The following RNGTT variants were observed in gnomAD, a reference collection of about 807,000 sequenced individuals.
RNGTT encodes the protein RNA guanylyltransferase and 5'-phosphatase.
A neutral mutation model predicts 79.3 loss-of-function variants in RNGTT; 33 were observed. The observed-to-expected ratio is 0.42, with a 90% CI of 0.32 to 0.56. The LOEUF (loss-of-function observed/expected upper bound fraction) is 0.56, where lower values mean the gene tolerates loss of function less well. Among genes scored for constraint, RNGTT ranks in the 20% least tolerant of loss-of-function variants. The probability of loss-of-function intolerance (pLI) is 0.17; values close to 1 mark genes in which losing one functional copy is unlikely to be tolerated. For synonymous variants in RNGTT, 222 were observed against 235.9 expected (o/e 0.94, Z 0.54); for missense variants, 497 against 739.1 (o/e 0.67, Z 3.80).
At chr6:88,757,290 T>C (rs796479171) in intron 13 of RNGTT, among the ~76,000 whole-genome samples, 5 of 152,270 alleles carry the variant, frequency 3.3e-5, no homozygotes, top group African/African-American at 9.6e-5. Context: ...GGACAGGTAG[T>C]ATTAGTATCA....
chr6:88,694,954 G>C (rs1562199452), intron 13 of RNGTT, among the ~76,000 whole-genome samples: 1 of 152,156 alleles, frequency 6.6e-6, no homozygotes, highest in East Asian at 1.9e-4. Context: ...CTGGAACTCT[G>C]AGAAATACAT....
At chr6:88,762,443 AC>A (rs972379450) in intron 13 of RNGTT, among the ~76,000 whole-genome samples, 3 of 152,328 alleles carry the variant, frequency 2.0e-5, no homozygotes, top group Admixed American at 6.5e-5. Context: ...ATCATGTTAA[AC>A]CAAGTGCAGC....
At chr6:88,842,774 T>TA (rs1781337704) in intron 11 of RNGTT, among the ~76,000 whole-genome samples, 1 of 152,000 alleles carries the variant, frequency 6.6e-6, no homozygotes, top group Admixed American at 6.6e-5. Context: ...TTTAACTACA[T>TA]AAAAATGAAC....
chr6:88,791,686 C>T (rs1317883299), intron 12 of RNGTT, among the ~76,000 whole-genome samples: 1 of 151,958 alleles, frequency 6.6e-6, no homozygotes, highest in African/African-American at 2.4e-5. Flanking sequence ...ACCACAGGCG[C>T]CCACCACCAC....
At chr6:88,703,987 C>T (rs568639062) in intron 13 of RNGTT, among the ~76,000 whole-genome samples, 1 of 152,142 alleles carries the variant, frequency 6.6e-6, no homozygotes, top group East Asian at 1.9e-4. Context: ...AGGCCGGGTG[C>T]GGTGGCTCAC....
intron 11 of RNGTT, among the ~76,000 whole-genome samples, chr6:88,839,760 T>C (rs553846701): frequency 4.6e-5 from 7 of 152,306 alleles, no homozygotes; most frequent in African/African-American, 1.7e-4. Flanking sequence ...TTGTTAGTCA[T>C]ATATAGTCTG....
At chr6:88,708,165 G>C (rs1776202576) in intron 13 of RNGTT, among the ~76,000 whole-genome samples, 1 of 152,076 alleles carries the variant, frequency 6.6e-6, no homozygotes, top group South Asian at 2.1e-4. Context: ...GGACCAGGTA[G>C]GAGGTTCCAG....
intron 13 of RNGTT, among the ~76,000 whole-genome samples, chr6:88,689,797 T>C (rs539662550): frequency 6.6e-6 from 1 of 151,550 alleles, no homozygotes; most frequent in South Asian, 2.1e-4. Flanking sequence ...GGTATTAAAA[T>C]TAGAAAATGA....
intron 8 of RNGTT, among the ~76,000 whole-genome samples, chr6:88,860,565 C>T (rs1487233583): frequency 4.6e-5 from 7 of 152,158 alleles, no homozygotes; most frequent in Admixed American, 1.3e-4. Flanking sequence ...GTTCCTGTGC[C>T]CTGACCTTGG....
At chr6:88,919,905 G>T (rs1784114852) in intron 4 of RNGTT, among the ~76,000 whole-genome samples, 1 of 151,876 alleles carries the variant, frequency 6.6e-6, no homozygotes, top group Admixed American at 6.6e-5. Context: ...GGTCAGGCTG[G>T]TCTCAAACTC....
intron 14 of RNGTT, among the ~76,000 whole-genome samples, chr6:88,666,367 G>A (rs939887359): frequency 7.9e-5 from 12 of 152,306 alleles, no homozygotes; most frequent in African/African-American, 2.4e-4. Flanking sequence ...GTTGGCCCCC[G>A]TGTTTGAGGG....
intron 11 of RNGTT, among the ~76,000 whole-genome samples, chr6:88,806,402 C>T (rs1245938600): frequency 6.6e-6 from 1 of 151,150 alleles, no homozygotes; most frequent in African/African-American, 2.4e-5. Flanking sequence ...ACTGCAACCT[C>T]TGCTTCCCGG....
chr6:88,823,723 C>T (rs751221883), intron 11 of RNGTT, among the ~76,000 whole-genome samples: 3 of 152,014 alleles, frequency 2.0e-5, no homozygotes, highest in Non-Finnish European at 2.9e-5. Flanking sequence ...AGACTCTAGG[C>T]CTTCATGGGT....
intron 8 of RNGTT, among the ~76,000 whole-genome samples, chr6:88,875,223 A>G (rs1160800656): frequency 2.0e-5 from 3 of 152,078 alleles, no homozygotes; most frequent in Admixed American, 6.6e-5. Context: ...TTATTTATTT[A>G]TAAGAGAACA....
chr6:88,902,275 A>G (rs1178899217), intron 6 of RNGTT, among the ~76,000 whole-genome samples: 1 of 152,182 alleles, frequency 6.6e-6, no homozygotes. Flanking sequence ...CAAAAAAGAT[A>G]GGAATAAGTA....
chr6:88,896,521 A>G (rs1176395193), intron 6 of RNGTT, among the ~76,000 whole-genome samples: 2 of 152,220 alleles, frequency 1.3e-5, no homozygotes, highest in Non-Finnish European at 2.9e-5. Context: ...GACAGAGACA[A>G]TGAGAAGACT....
intron 13 of RNGTT, among the ~76,000 whole-genome samples, chr6:88,751,036 A>G (rs1777822631): frequency 6.6e-6 from 1 of 152,194 alleles, no homozygotes. Flanking sequence ...TGGTTTGCAC[A>G]TAGATGGTTT....
chr6:88,661,213 G>C (rs2127781870), intron 14 of RNGTT, among the ~76,000 whole-genome samples: 1 of 152,226 alleles, frequency 6.6e-6, no homozygotes, highest in East Asian at 1.9e-4. Context: ...ACATCAAAAA[G>C]TCTGAAAGAG....
intron 4 of RNGTT, among the ~76,000 whole-genome samples, chr6:88,928,336 T>G (rs1163131926): frequency 6.6e-6 from 1 of 152,136 alleles, no homozygotes; most frequent in African/African-American, 2.4e-5. Context: ...TGAAAATAAC[T>G]CAAAAGTCAT....
Sources: gnomAD v4.1 joint callset for allele counts (sites outside exome capture counted in the v4.1 genomes callset) on GRCh38, gnomAD v4.1.1 for gene constraint, MANE v1.5 for transcripts, NCBI Gene and HGNC (gene_info 2026-07-23, HGNC 2026-07-21) for gene names.